Variants in LEMD1 observed in about 807,000 individuals in gnomAD.
LEMD1 encodes the protein LEM domain containing 1, also known as LEM domain-containing protein 1.
A neutral mutation model predicts 17.4 loss-of-function variants in LEMD1; 18 were observed. That is an observed-to-expected ratio of 1.04 (90% confidence interval 0.72 to 1.54). The LOEUF is 1.54. Ranked by LOEUF, LEMD1 falls within the 40% of genes most tolerant of loss-of-function variation. The pLI, the probability that LEMD1 is intolerant of heterozygous loss-of-function variation, is 0.00. For missense variants in LEMD1, 195 were observed against 210.4 expected, an observed-to-expected ratio of 0.93 and a Z score of 0.45; for synonymous variants, 88 against 77.8, an observed-to-expected ratio of 1.13 and a Z score of -0.69.
chr1:205,425,935 T>C (rs1349936886), upstream of LEMD1, among the ~76,000 whole-genome samples: 1 of 151,598 alleles, frequency 6.6e-6, no homozygotes, highest in Non-Finnish European at 1.5e-5. Flanking sequence ...TTTGAAACTA[T>C]GATACTCCAG....
At chr1:205,446,022 T>A (rs1666382685) in intron 1 of LEMD1, among the ~76,000 whole-genome samples, 2 of 152,174 alleles carry the variant, frequency 1.3e-5, no homozygotes, top group African/African-American at 4.8e-5. Flanking sequence ...TTATGCTGGG[T>A]ATATCTGAGG....
At chr1:205,423,474 T>A (rs1453998874), upstream of LEMD1, among the ~76,000 whole-genome samples, 1 of 152,236 alleles carries the variant, frequency 6.6e-6, no homozygotes, top group Non-Finnish European at 1.5e-5. Flanking sequence ...AGTTAGACTA[T>A]TGGGATGAAA....
chr1:205,383,040 A>T (rs1558702830), intron 5 of LEMD1, among the ~76,000 whole-genome samples: 2 of 152,198 alleles, frequency 1.3e-5, no homozygotes, highest in Non-Finnish European at 2.9e-5. Flanking sequence ...CGTTTTTAAA[A>T]ATTGATACAT....
upstream of LEMD1, among the ~76,000 whole-genome samples, chr1:205,423,243 A>G (rs1666008343): frequency 6.6e-6 from 1 of 152,250 alleles, no homozygotes; most frequent in Non-Finnish European, 1.5e-5. Flanking sequence ...CAGTTTCTGA[A>G]TAGAGCATCA....
rs150914159 is a variant in LEMD1 at position 205,448,128 on chromosome 1, G to C, written c.-39+1740C>G. The stretch of plus-strand genomic sequence containing the variant: ...TCACCGGCCCAGTCTCTTCATTCCA[G>C]AGTGAGGAAACAGGGCCAGAAGGGA... On this transcript the variant is annotated intron_variant, in intron 1 of 3. Transcript: ENST00000367154. This position sits in a 1 kb window ranked among gnomAD's most constrained non-coding sequence, Gnocchi z 4.7. Among the ~76,000 whole-genome samples the C allele has an allele frequency of 7.0e-4, 106 of 152,288 alleles. No homozygotes were observed. Among genetic ancestry groups the C allele is most frequent in the African/African-American group, 2.1e-3 (87 of 41,562 alleles).
At chr1:205,440,133 A>G (rs1346724548) in intron 1 of LEMD1, among the ~76,000 whole-genome samples, 1 of 152,174 alleles carries the variant, frequency 6.6e-6, no homozygotes, top group Non-Finnish European at 1.5e-5. Context: ...AGTCCAGGAA[A>G]GGGGTCCCTC....
chr1:205,399,068 AGCCGAGTGTGGTG>A (rs1664717285), intron 4 of LEMD1, among the ~76,000 whole-genome samples: 1 of 152,110 alleles, frequency 6.6e-6, no homozygotes, highest in Non-Finnish European at 1.5e-5. Context: ...TACAAAAATT[AGCCGAGTGTGGTG>A]GTGCAAGCCT....
At chr1:205,404,428 G>T (rs1242842753) in intron 4 of LEMD1, among the ~76,000 whole-genome samples, 1 of 152,138 alleles carries the variant, frequency 6.6e-6, no homozygotes, top group East Asian at 1.9e-4. Flanking sequence ...AGCTCTTCTT[G>T]TTGAATTGAT....
At chr1:205,403,004 T>G (rs1032728801) in intron 4 of LEMD1, among the ~76,000 whole-genome samples, 1 of 151,636 alleles carries the variant, frequency 6.6e-6, no homozygotes, top group Non-Finnish European at 1.5e-5. Flanking sequence ...GGATTACATT[T>G]ATTGATTTGC....
At chr1:205,421,587 G>C (rs995167325) in intron 1 of LEMD1, among the ~76,000 whole-genome samples, 1 of 152,176 alleles carries the variant, frequency 6.6e-6, no homozygotes, top group Non-Finnish European at 1.5e-5. Flanking sequence ...GGAATACCTA[G>C]TTTGACAGTT....
rs371074463 is a variant in LEMD1 at position 205,444,729 on chromosome 1, G to C, written c.-39+5139C>G. On this transcript the variant is annotated intron_variant, in intron 1 of 3. Coordinates refer to the LEMD1 transcript ENST00000367154. ...GTCCTTCATCAGAGTGGGCGGCAGC[G>C]GGGGTGGAAGGCTAGGAAGCTATTT... Among the ~76,000 whole-genome samples, 23 of 152,220 alleles carry C rather than the reference G, an allele frequency of 1.5e-4. No homozygotes were observed. The East Asian group carries it at 4.1e-3, about 27-fold the overall frequency.
At chr1:205,418,730 G>C (rs185851342) in intron 3 of LEMD1, among the ~76,000 whole-genome samples, 1 of 152,316 alleles carries the variant, frequency 6.6e-6, no homozygotes, top group African/African-American at 2.4e-5. Flanking sequence ...TGGCCAGGCT[G>C]GTCTCGAATT....
chr1:205,428,358 A>G (rs1666083309), intron 1 of LEMD1, among the ~76,000 whole-genome samples: 1 of 152,174 alleles, frequency 6.6e-6, no homozygotes, highest in African/African-American at 2.4e-5. Context: ...GGAAGGGTGC[A>G]GGACTGGGTA....
At chr1:205,428,512 G>A (rs558128758) in intron 1 of LEMD1, among the ~76,000 whole-genome samples, 3 of 152,166 alleles carry the variant, frequency 2.0e-5, no homozygotes, top group Non-Finnish European at 2.9e-5. Flanking sequence ...CTCCTGAAGC[G>A]TATTGTCCTA....
At chr1:205,382,875 A>G (rs752391220) in intron 5 of LEMD1, among the ~76,000 whole-genome samples, 80 of 152,038 alleles carry the variant, frequency 5.3e-4, no homozygotes, top group Non-Finnish European at 9.0e-4. Flanking sequence ...ACTTTCTGAA[A>G]TTTTTTTGCA....
chr1:205,406,349 T>C (rs989618550), intron 4 of LEMD1, among the ~76,000 whole-genome samples: 1 of 152,272 alleles, frequency 6.6e-6, no homozygotes, highest in Non-Finnish European at 1.5e-5. Flanking sequence ...TGAGCTGTGG[T>C]GGGCTCCACC....
chr1:205,416,283 A>G lies in LEMD1; in HGVS notation c.219T>C (p.Ile73=), dbSNP rs75790992. Residue 73 remains isoleucine, a synonymous_variant, in exon 4 of 6, where the codon ATT becomes ATC. Coordinates refer to ENST00000367153, the MANE Select transcript of LEMD1 (RefSeq NM_001199050.2). ...DSDDSEELNI[I]LQGNIILSTE... ...TTGAGAGTATGATATTTCCTTGCAA[A>G]ATGATATTAAGCTCTGGATCATGGG... 400 of 1,548,148 alleles carry G rather than the reference A, an allele frequency of 2.6e-4. 3 individuals are homozygous for G. In the East Asian group the frequency reaches 7.2e-3, roughly 28 times the overall value.
At chr1:205,408,505 T>TC (rs1291897961) in intron 4 of LEMD1, among the ~76,000 whole-genome samples, 11 of 86,150 alleles carry the variant, frequency 1.3e-4, no homozygotes, top group African/African-American at 6.1e-4. Flanking sequence ...TTTCTTTCTT[T>TC]TTTTTTTTTT....
At chr1:205,446,328 T>TG (rs1285437638) in intron 1 of LEMD1, among the ~76,000 whole-genome samples, 15 of 152,358 alleles carry the variant, frequency 9.8e-5, no homozygotes, top group African/African-American at 3.6e-4. Flanking sequence ...GGTGAGTTGC[T>TG]GAGCTGTGGG....
Sources: allele counts gnomAD v4.1 joint callset (sites outside exome capture counted in the v4.1 genomes callset), GRCh38; gene constraint gnomAD v4.1.1; non-coding constraint Gnocchi (gnomAD v3.1); transcripts MANE v1.5; gene names NCBI Gene and HGNC (gene_info 2026-07-23, HGNC 2026-07-21).